Variants in FRMD4A observed in about 807,000 individuals in gnomAD.
FRMD4A encodes the protein FERM domain-containing protein 4A.
FRMD4A carries 29 observed loss-of-function variants against 129.1 expected under a neutral mutation model. That is an observed-to-expected ratio of 0.22 (90% CI 0.17 to 0.31). The LOEUF (loss-of-function observed/expected upper bound fraction) is 0.31. Among genes scored for constraint, FRMD4A ranks in the 10% least tolerant of loss-of-function variants. The pLI is 1.00. For missense variants in FRMD4A, 1,272 were observed against 1,375.8 expected (o/e 0.92, Z 1.19); for synonymous variants, 634 against 571.6 (o/e 1.11, Z -1.56).
chr10:13,816,409 A>T (rs1197828973), intron 3 of FRMD4A, among the ~76,000 whole-genome samples: 1 of 152,214 alleles, frequency 6.6e-6, no homozygotes, highest in Non-Finnish European at 1.5e-5. Context: ...AGTGAGAAAT[A>T]CACATCATTG....
At chr10:14,036,330 C>T (rs769090135) in intron 2 of FRMD4A, among the ~76,000 whole-genome samples, 21 of 152,106 alleles carry the variant, frequency 1.4e-4, no homozygotes, top group Non-Finnish European at 2.1e-4. Flanking sequence ...CCTGGGTGTG[C>T]CTGACACTCA....
chr10:13,970,838 C>G (rs758252184), intron 2 of FRMD4A, among the ~76,000 whole-genome samples: 6 of 152,206 alleles, frequency 3.9e-5, no homozygotes, highest in Non-Finnish European at 5.9e-5. Context: ...CTCTTGTCTC[C>G]CCTTTTTGAA....
At chr10:13,752,679 G>C (rs763035757) in intron 8 of FRMD4A, among the ~76,000 whole-genome samples, 101 of 152,262 alleles carry the variant, frequency 6.6e-4, no homozygotes, top group Admixed American at 1.2e-3. Context: ...GCTAGCATTG[G>C]CCTCACTCCT....
At chr10:13,963,713 G>T (rs182825743) in intron 2 of FRMD4A, among the ~76,000 whole-genome samples, 1 of 152,102 alleles carries the variant, frequency 6.6e-6, no homozygotes, top group South Asian at 2.1e-4. Flanking sequence ...CACACAAAGC[G>T]TTCTACGTAA....
chr10:13,721,497 G>A (rs562675557), intron 12 of FRMD4A, among the ~76,000 whole-genome samples: 2 of 151,842 alleles, frequency 1.3e-5, no homozygotes, highest in African/African-American at 2.4e-5. Context: ...AAAAGAACTC[G>A]ATAAGACTTA....
At chr10:13,810,135 G>A (rs1263224397) in intron 4 of FRMD4A, among the ~76,000 whole-genome samples, 1 of 152,170 alleles carries the variant, frequency 6.6e-6, no homozygotes, top group Non-Finnish European at 1.5e-5. Flanking sequence ...GTGCACAGAG[G>A]AAAGAGAATT....
At chr10:13,693,603 G>C (rs943090) in intron 15 of FRMD4A, 784,050 of 867,328 alleles carry the variant, frequency 0.9, 359,728 homozygotes, top group Non-Finnish European at 0.94. Context: ...TTGCCATGGG[G>C]ATTGTGAAAC....
rs111628246 is a variant in FRMD4A at position 13,798,336 on chromosome 10, C to T, written c.207-1748G>A. On this transcript the variant is annotated intron_variant, in intron 4 of 24. Transcript: ENST00000357447. ...CTGAGGTAGGAGAATCGCTTGAACC[C>T]GGGAGATGGAGGTTGCAGTGAGCTG... 1.4e-3 allele frequency among the ~76,000 whole-genome samples: 208 copies of T among 151,986 alleles called. 2 individuals are homozygous for T. Among genetic ancestry groups the T allele is most frequent in the Non-Finnish European group, 2.3e-3 (153 of 67,960 alleles).
At chr10:14,171,944 C>T (rs139384801) in intron 2 of FRMD4A, among the ~76,000 whole-genome samples, 3 of 152,166 alleles carry the variant, frequency 2.0e-5, no homozygotes, top group South Asian at 2.1e-4. Flanking sequence ...CACCTTGTCA[C>T]GGATATGTCT....
At chr10:13,956,397 C>A (rs2095410519) in intron 2 of FRMD4A, among the ~76,000 whole-genome samples, 1 of 152,196 alleles carries the variant, frequency 6.6e-6, no homozygotes, top group Non-Finnish European at 1.5e-5. Context: ...AGTGATCAGC[C>A]TGCCTTGGCC....
At chr10:13,701,520 G>A (rs2086829319) in intron 13 of FRMD4A, 42 bp from the exon 14 acceptor site, 2 of 1,582,688 alleles carry the variant, frequency 1.3e-6, no homozygotes, top group African/African-American at 2.7e-5. Context: ...CATTTCTGTT[G>A]AGAGAAACCA....
At chr10:13,871,432 A>G (rs12218323) in intron 2 of FRMD4A, among the ~76,000 whole-genome samples, 61,279 of 152,050 alleles carry the variant, frequency 0.4, 13,249 homozygotes, top group Non-Finnish European at 0.5. Context: ...AAATCTGACA[A>G]GTTGCTCTAG....
chr10:14,068,577 G>T (rs895065585), intron 2 of FRMD4A, among the ~76,000 whole-genome samples: 2 of 152,150 alleles, frequency 1.3e-5, no homozygotes, highest in Non-Finnish European at 2.9e-5. Context: ...TCTGAAAAAG[G>T]TTATGGGGAT....
intron 4 of FRMD4A, among the ~76,000 whole-genome samples, chr10:13,805,127 A>G (rs1029589854): frequency 2.0e-5 from 3 of 151,428 alleles, no homozygotes; most frequent in African/African-American, 7.3e-5. Flanking sequence ...GTTAAAAGCT[A>G]CTCGTTTTCT....
chr10:13,784,661 G>A (rs773344103), intron 5 of FRMD4A, among the ~76,000 whole-genome samples: 13 of 152,132 alleles, frequency 8.5e-5, no homozygotes, highest in East Asian at 1.9e-4. Context: ...CAATGGTAGC[G>A]TTATCCTTCA....
chr10:13,908,595 C>A (rs954083115), intron 2 of FRMD4A, among the ~76,000 whole-genome samples: 4 of 152,204 alleles, frequency 2.6e-5, no homozygotes, highest in Non-Finnish European at 5.9e-5. Context: ...CTACGTTCTC[C>A]AGCTGAGAGA....
chr10:13,906,712 T>C (rs1306171991), intron 2 of FRMD4A, among the ~76,000 whole-genome samples: 2 of 152,182 alleles, frequency 1.3e-5, no homozygotes, highest in African/African-American at 4.8e-5. Flanking sequence ...AAGTTAATCA[T>C]AGGAAACAGT....
At chr10:14,223,655 C>T (rs1005400554) in intron 2 of FRMD4A, among the ~76,000 whole-genome samples, 1 of 147,738 alleles carries the variant, frequency 6.8e-6, no homozygotes, top group South Asian at 2.2e-4. Context: ...GTGAGAGGAT[C>T]ATTTCTGGCT....
Position 13,660,347 on chromosome 10 carries a change from CCTT to C in FRMD4A, c.1864_1866del (p.Lys622del). ...TGGCTGTGAGAGGAGCGCTTCTTGA[CCTT>C]CTCATAGGGTTCATCTAAAGAGGAC... On this transcript the variant is annotated inframe_deletion, in exon 20 of 25. Coordinates refer to ENST00000357447, the MANE Select transcript of FRMD4A (RefSeq NM_018027.5). The C allele has an allele frequency of 6.2e-7, 1 of 1,613,828 alleles. No homozygotes were observed. The highest frequency in any genetic ancestry group is 8.5e-7 in the Non-Finnish European group (1 of 1,179,710).
Sources: allele counts gnomAD v4.1 joint callset (sites outside exome capture counted in the v4.1 genomes callset), GRCh38; gene constraint gnomAD v4.1.1; transcripts MANE v1.5; gene names NCBI Gene and HGNC (gene_info 2026-07-23, HGNC 2026-07-21).